BRF1: variants seen among roughly 807,000 people sequenced by gnomAD.
The protein encoded by BRF1 is BRF1 general transcription factor IIIB subunit.
Under a neutral mutation model 81.7 loss-of-function variants are expected in BRF1, and 59 were observed. That is an observed-to-expected ratio of 0.72 (90% CI 0.59 to 0.90). BRF1 has a LOEUF of 0.90. Ranked by LOEUF, BRF1 falls within the 40% of genes least tolerant of loss-of-function variation. The pLI is 0.00. For synonymous variants in BRF1, 491 were observed against 395.6 expected (o/e 1.24, Z -2.86); for missense variants, 1,050 against 936.3 (o/e 1.12, Z -1.58).
At chr14:105,211,814 T>C in intron 16 of BRF1, 1 of 494,176 alleles carries the variant, frequency 2.0e-6, no homozygotes, top group South Asian at 2.2e-5. Context: ...CAGTGCCTGC[T>C]TCCTACATAC....
intron 3 of BRF1, among the ~76,000 whole-genome samples, chr14:105,260,146 C>T (rs1256375655): frequency 1.3e-5 from 2 of 152,190 alleles, no homozygotes; most frequent in African/African-American, 4.8e-5. Flanking sequence ...GTGCATCTCA[C>T]TTTAAGCCAA....
intron 5 of BRF1, chr14:105,247,520 T>C (rs1295593881): frequency 1.0e-6 from 1 of 985,378 alleles, no homozygotes; most frequent in Non-Finnish European, 1.2e-6. Context: ...AGTCCTTTGT[T>C]GAAAATACCG....
chr14:105,217,384 C>T (rs1891503123), intron 15 of BRF1, 160 bp downstream of exon 15: 4 of 1,156,396 alleles, frequency 3.5e-6, no homozygotes, highest in South Asian at 1.5e-5. Flanking sequence ...TGTCAAGGTG[C>T]CGGAGAAGGC....
At chr14:105,229,522 G>C (rs1046949829) in intron 6 of BRF1, among the ~76,000 whole-genome samples, 1 of 152,232 alleles carries the variant, frequency 6.6e-6, no homozygotes, top group South Asian at 2.1e-4. Flanking sequence ...CGGAGCTGGG[G>C]TAGTTGACCA....
At chr14:105,214,456 TCAG>T (rs1467681937) in intron 15 of BRF1, among the ~76,000 whole-genome samples, 1 of 90,686 alleles carries the variant, frequency 1.1e-5, no homozygotes, top group Non-Finnish European at 2.2e-5. Flanking sequence ...CCTGCGTGGC[TCAG>T]CTGCCCACAC....
At chr14:105,256,575 CG>C in intron 3 of BRF1, 26 bp from the exon 4 acceptor site, 1 of 1,610,044 alleles carries the variant, frequency 6.2e-7, no homozygotes, top group Non-Finnish European at 8.5e-7. Context: ...AGGATCCTGT[CG>C]AGTGGCTGCA....
chr14:105,216,174 G>A (rs587724870), intron 15 of BRF1, among the ~76,000 whole-genome samples: 12 of 152,056 alleles, frequency 7.9e-5, no homozygotes, highest in Non-Finnish European at 1.6e-4. Context: ...CACACAGAGA[G>A]ACACACATGC....
At position 105,283,767 on chromosome 14, in the gene BRF1, C is replaced by T. The variant is rs183965858; in HGVS notation, c.265+2529G>A. Among the ~76,000 whole-genome samples the T allele has an allele frequency of 3.9e-5, 6 of 152,304 alleles. No homozygotes were observed. The East Asian group carries it at 1.2e-3, about 29-fold the overall frequency. ...GATACCGCGAGTTTTTGGGAAAATA[C>T]AGACTACATTCTCTGTGGAGAACAA... is the stretch of plus-strand genomic sequence containing the variant. On this transcript the variant is annotated intron_variant, in intron 2 of 17. Coordinates refer to ENST00000547530, the MANE Select transcript of BRF1 (RefSeq NM_001519.4).
At chr14:105,265,784 C>G (rs1207250560) in intron 3 of BRF1, among the ~76,000 whole-genome samples, 1 of 152,012 alleles carries the variant, frequency 6.6e-6, no homozygotes, top group Non-Finnish European at 1.5e-5. Flanking sequence ...ACCTGTATTC[C>G]CAGCTACTCG....
intron 10 of BRF1, among the ~76,000 whole-genome samples, chr14:105,225,414 C>T (rs960984453): frequency 2.6e-5 from 4 of 152,184 alleles, no homozygotes; most frequent in African/African-American, 9.7e-5. Flanking sequence ...ATTATACCCG[C>T]TTATACCCCC....
intron 2 of BRF1, among the ~76,000 whole-genome samples, chr14:105,283,119 G>A (rs1283537030): frequency 6.6e-6 from 1 of 152,206 alleles, no homozygotes; most frequent in East Asian, 1.9e-4. Flanking sequence ...TCGACAGCAA[G>A]GAGGTACGGC....
chr14:105,280,407 T>C (rs1222148445), intron 2 of BRF1, among the ~76,000 whole-genome samples: 3 of 152,202 alleles, frequency 2.0e-5, no homozygotes, highest in Non-Finnish European at 4.4e-5. Context: ...AGGGGATCTT[T>C]AGGACTCTGA....
At chr14:105,224,454 C>T (rs1892776826) in intron 10 of BRF1, among the ~76,000 whole-genome samples, 1 of 152,222 alleles carries the variant, frequency 6.6e-6, no homozygotes, top group South Asian at 2.1e-4. Flanking sequence ...CTGCAATCCT[C>T]AAGCTTGACC....
At chr14:105,241,940 G>A (rs760395737) in intron 5 of BRF1, 4 of 175,564 alleles carry the variant, frequency 2.3e-5, no homozygotes, top group South Asian at 1.3e-4. Context: ...CTGCCAGCAC[G>A]GCACAGTGCC....
rs747278845 is a variant in BRF1, at chr14:105,269,017, GAC to G, written c.439+3702_439+3703del. ...GCCAGCTGGGGCTGCAGGAGGCGAG[GAC>G]AGTGGCCAGAGCCAATGCAGGTCAG... On this transcript the variant is annotated intron_variant, in intron 3 of 17. Transcript: ENST00000547530. This position sits in a 1 kb window ranked among gnomAD's most constrained non-coding sequence, Gnocchi z 5.0. Among the ~76,000 whole-genome samples, 67 of 152,352 alleles carry G rather than the reference GAC, an allele frequency of 4.4e-4. No individual in the cohort carries two copies. Among genetic ancestry groups the G allele is most frequent in the Non-Finnish European group, 8.4e-4 (57 of 68,032 alleles).
rs2056553673 is a variant in BRF1, at chr14:105,269,145, G to A, written c.439+3576C>T. ...TGGGGGCTCTGGCTGGCAGGCCTAG[G>A]GCACGGTGCTGCCCGCAACCTGAAG... On this transcript the variant is annotated intron_variant, in intron 3 of 17. Coordinates refer to ENST00000547530, the MANE Select transcript of BRF1 (RefSeq NM_001519.4). This position sits in a 1 kb window ranked among gnomAD's most constrained non-coding sequence, Gnocchi z 5.0. 6.6e-6 allele frequency among the ~76,000 whole-genome samples: 1 copy of A among 152,066 alleles called. No homozygotes were observed. The highest frequency in any genetic ancestry group is 1.9e-4 in the East Asian group (1 of 5,184).
intron 5 of BRF1, among the ~76,000 whole-genome samples, chr14:105,251,526 T>C (rs1270925901): frequency 6.6e-6 from 1 of 152,180 alleles, no homozygotes; most frequent in African/African-American, 2.4e-5. Context: ...GGCAGTTGTT[T>C]TCTGGAAAAC....
At chr14:105,304,094 G>A (rs1451310946), upstream of BRF1, among the ~76,000 whole-genome samples, 3 of 152,224 alleles carry the variant, frequency 2.0e-5, no homozygotes, top group Non-Finnish European at 4.4e-5. Context: ...CCACAGCGGT[G>A]CAGGACAGTC....
In BRF1 at chr14:105,226,164, G is replaced by T; in HGVS notation, c.956-3C>A. The T allele has an allele frequency of 1.2e-6, 2 of 1,613,974 alleles. No individual in the cohort carries two copies. The highest frequency in any genetic ancestry group is 1.7e-6 in the Non-Finnish European group (2 of 1,180,026). On this transcript the variant is annotated splice_polypyrimidine_tract_variant and splice_region_variant and intron_variant, in intron 9 of 17. Coordinates refer to ENST00000547530, the MANE Select transcript of BRF1 (RefSeq NM_001519.4). ...ATCCTGGTAACTGGATATTTCACCT[G>T]AAGTCATAAGTTAAAAGCAAAAAGT...
Sources: gnomAD v4.1 joint callset for allele counts (sites outside exome capture counted in the v4.1 genomes callset) on GRCh38, gnomAD v4.1.1 for gene constraint, Gnocchi (gnomAD v3.1) non-coding constraint, MANE v1.5 for transcripts, NCBI Gene and HGNC (gene_info 2026-07-23, HGNC 2026-07-21) for gene names.